The following CASP9 variants were observed in gnomAD, a reference collection of about 807,000 sequenced individuals.
CASP9 encodes the protein caspase-9.
A neutral mutation model predicts 43.5 loss-of-function variants in CASP9; 29 were observed. The observed-to-expected ratio is 0.67, with a 90% CI of 0.50 to 0.91. The LOEUF (loss-of-function observed/expected upper bound fraction) is 0.91, where lower values mean the gene tolerates loss of function less well. Among genes scored for constraint, CASP9 ranks in the 40% least tolerant of loss-of-function variants. CASP9 has a pLI of 0.00. For missense variants in CASP9, 575 were observed against 537.4 expected (o/e 1.07, Z -0.69); for synonymous variants, 206 against 211.9 (o/e 0.97, Z 0.24).
At chr1:15,504,317 T>C (rs1050105727) in intron 6 of CASP9, among the ~76,000 whole-genome samples, 1 of 152,352 alleles carries the variant, frequency 6.6e-6, no homozygotes, top group Non-Finnish European at 1.5e-5. Flanking sequence ...AAAAGAGGTT[T>C]CTCCTCTCTC....
chr1:15,504,068 G>C (rs1003378320), intron 6 of CASP9, among the ~76,000 whole-genome samples: 4 of 152,142 alleles, frequency 2.6e-5, no homozygotes, highest in African/African-American at 9.7e-5. Flanking sequence ...GGCTGGTCTC[G>C]AACTCCTGGC....
At chr1:15,508,903 G>A (rs1175337017) in intron 2 of CASP9, among the ~76,000 whole-genome samples, 1 of 152,202 alleles carries the variant, frequency 6.6e-6, no homozygotes, top group Non-Finnish European at 1.5e-5. Context: ...TAAAGAAGTA[G>A]GCAACATGGC....
At chr1:15,518,527 C>CTGAA (rs4646006) in intron 1 of CASP9, 132 bp from the exon 2 acceptor site, 1 of 870,274 alleles carries the variant, frequency 1.1e-6, no homozygotes, top group South Asian at 1.7e-5. Flanking sequence ...TGCAGGTGCA[C>CTGAA]TGTGTGCCAT....
chr1:15,524,316 G>C (rs1454825411), upstream of CASP9: 10 of 1,384,060 alleles, frequency 7.2e-6, no homozygotes, highest in Non-Finnish European at 9.2e-6. Context: ...TCACGGCCCC[G>C]GGTCAGTCTT....
upstream of CASP9, chr1:15,524,415 C>G: frequency 7.7e-7 from 1 of 1,292,930 alleles, no homozygotes; most frequent in Non-Finnish European, 9.7e-7. Context: ...TCAGGACGCA[C>G]CTCTGCGCCT....
rs749531166 is a variant in CASP9, at chr1:15,495,439, A to G, written c.882T>C (p.His294=). The G allele has an allele frequency of 6.3e-7, 1 of 1,595,660 alleles. No homozygotes were observed. Among genetic ancestry groups the G allele is most frequent in the Non-Finnish European group, 8.5e-7 (1 of 1,171,478 alleles). Residue 294 remains histidine (H), a synonymous_variant, in exon 7 of 9, where the codon CAT becomes CAC. Transcript: ENST00000333868. ...IQACGGEQKD[H]GFEVASTSPE... ...GGGAAGTGGAGGCCACCTCAAACCC[A>G]TGGTCTTTCTGCTCTGCAGGAAGCA...
At chr1:15,496,595 T>C (rs1454167010) in intron 6 of CASP9, among the ~76,000 whole-genome samples, 1 of 152,216 alleles carries the variant, frequency 6.6e-6, no homozygotes, top group Non-Finnish European at 1.5e-5. Flanking sequence ...TACTTCCATT[T>C]CTATACACTA....
rs1403937768 is a variant in CASP9, at chr1:15,524,102, C to G, written c.99G>C (p.Glu33Asp). 6.5e-7 allele frequency: 1 copy of G among 1,540,804 alleles called. No individual in the cohort carries two copies. The highest frequency in any genetic ancestry group is 8.7e-7 in the Non-Finnish European group (1 of 1,148,196). Residue 33 changes from glutamate to aspartate, a missense_variant, in exon 1 of 9, where the codon GAG (glutamate) becomes GAC (aspartate). Glu to Asp is a conservative substitution (Grantham distance 45). Coordinates refer to ENST00000333868, the MANE Select transcript of CASP9 (RefSeq NM_001229.5). ...DQLWDALLSR[E>D]LFRPHMIEDI... ...CCTCGATCATATGGGGCCTGAACAG[C>G]TCGCGGCTCAGCAGGGCGTCCCAGA...
upstream of CASP9, chr1:15,524,475 C>T: frequency 1.1e-6 from 1 of 883,492 alleles, no homozygotes; most frequent in Non-Finnish European, 1.4e-6. Flanking sequence ...CCCCAGAACA[C>T]GCTCCGCGTC....
At chr1:15,498,742 C>CT (rs1218849159) in intron 6 of CASP9, among the ~76,000 whole-genome samples, 1,308 of 83,444 alleles carry the variant, frequency 0.016, 7 homozygotes, top group Non-Finnish European at 0.019. Flanking sequence ...TGAAAGTGAT[C>CT]TTTTTTTTTT....
chr1:15,512,945 CAGG>C, intron 2 of CASP9, among the ~76,000 whole-genome samples: 1 of 152,212 alleles, frequency 6.6e-6, no homozygotes, highest in Non-Finnish European at 1.5e-5. Context: ...ATCACGAGGT[CAGG>C]AGATCAAGAC....
intron 2 of CASP9, among the ~76,000 whole-genome samples, chr1:15,513,742 T>G (rs745690533): frequency 3.9e-5 from 6 of 152,112 alleles, no homozygotes; most frequent in Admixed American, 1.3e-4. Flanking sequence ...GGCACAAATA[T>G]AGGGACAAGA....
chr1:15,507,973 T>C, intron 2 of CASP9, 66 bp from the exon 3 acceptor site: 1 of 1,529,692 alleles, frequency 6.5e-7, no homozygotes, highest in African/African-American at 1.4e-5. Flanking sequence ...CAAGGGGCTC[T>C]GTGAGGACAG....
intron 6 of CASP9, among the ~76,000 whole-genome samples, chr1:15,503,473 A>G (rs1202784466): frequency 6.6e-6 from 1 of 152,238 alleles, no homozygotes; most frequent in Non-Finnish European, 1.5e-5. Flanking sequence ...CAGTGACTTA[A>G]TACAGTTCAT....
At chr1:15,510,495 G>A (rs1164673007) in intron 2 of CASP9, among the ~76,000 whole-genome samples, 2 of 152,092 alleles carry the variant, frequency 1.3e-5, no homozygotes, top group Non-Finnish European at 2.9e-5. Context: ...AAATTCCGCT[G>A]TACCCCAAAA....
intron 2 of CASP9, among the ~76,000 whole-genome samples, chr1:15,513,745 G>A (rs1440380645): frequency 2.6e-5 from 4 of 152,080 alleles, no homozygotes; most frequent in African/African-American, 7.2e-5. Flanking sequence ...ACAAATATAG[G>A]GACAAGAAAG....
intron 8 of CASP9, 156 bp from the exon 9 acceptor site, chr1:15,493,191 T>TC: frequency 7.0e-7 from 1 of 1,438,028 alleles, no homozygotes; most frequent in Non-Finnish European, 9.1e-7. Flanking sequence ...AATACGCACC[T>TC]CAACTTTACC....
upstream of CASP9, chr1:15,524,642 C>T (rs1423682345): frequency 1.9e-6 from 2 of 1,056,584 alleles, no homozygotes; most frequent in East Asian, 2.3e-4. Flanking sequence ...TCTCCAACGC[C>T]TCGCCCCGCC....
intron 3 of CASP9, 66 bp from the exon 4 acceptor site, chr1:15,507,141 G>A (rs1167092856): frequency 1.3e-6 from 2 of 1,597,168 alleles, no homozygotes; most frequent in Admixed American, 1.7e-5. Context: ...AGTCTGGAGA[G>A]GCGGGAAGAA....
Sources: gnomAD v4.1 joint callset for allele counts (sites outside exome capture counted in the v4.1 genomes callset) on GRCh38, gnomAD v4.1.1 for gene constraint, MANE v1.5 for transcripts, NCBI Gene and HGNC (gene_info 2026-07-23, HGNC 2026-07-21) for gene names.